Variants in NRG3 observed in about 807,000 individuals in gnomAD.
NRG3 encodes the protein neuregulin 3.
In NRG3, 31 loss-of-function variants were observed where a neutral mutation model predicts 66.9. The observed-to-expected ratio is 0.46, with a 90% CI of 0.35 to 0.63. NRG3 has a LOEUF of 0.63. Ranked by LOEUF, NRG3 falls within the 20% of genes least tolerant of loss-of-function variation. NRG3 has a pLI of 0.00. For missense variants in NRG3, 910 were observed against 878.9 expected (o/e 1.04, Z -0.45); for synonymous variants, 393 against 359.4 (o/e 1.09, Z -1.06).
intron 1 of NRG3, among the ~76,000 whole-genome samples, chr10:81,949,848 A>G (rs1312125322): frequency 6.6e-6 from 1 of 152,178 alleles, no homozygotes; most frequent in East Asian, 1.9e-4. Flanking sequence ...ACTTGAAAGC[A>G]TTACTGCAGA....
At chr10:82,191,010 C>T (rs191409854) in intron 1 of NRG3, among the ~76,000 whole-genome samples, 44 of 152,164 alleles carry the variant, frequency 2.9e-4, no homozygotes, top group East Asian at 2.1e-3. Context: ...ATCTCCCTGA[C>T]GTGGCACTAT....
chr10:82,084,891 A>G (rs2065629192), intron 1 of NRG3, among the ~76,000 whole-genome samples: 2 of 152,102 alleles, frequency 1.3e-5, no homozygotes, highest in East Asian at 3.9e-4. Context: ...TACACAATCA[A>G]TGATGTTACC....
At chr10:82,167,888 A>G (rs1488460641) in intron 1 of NRG3, among the ~76,000 whole-genome samples, 1 of 151,956 alleles carries the variant, frequency 6.6e-6, no homozygotes, top group Non-Finnish European at 1.5e-5. Flanking sequence ...TATTAATTGT[A>G]TTAATGGGAT....
intron 2 of NRG3, among the ~76,000 whole-genome samples, chr10:82,542,512 T>A (rs2043613517): frequency 6.6e-6 from 1 of 152,226 alleles, no homozygotes; most frequent in African/African-American, 2.4e-5. Flanking sequence ...TTACATCATT[T>A]CAAGGTAATA....
chr10:82,963,217 C>T (rs1315521254), intron 6 of NRG3, among the ~76,000 whole-genome samples: 1 of 152,092 alleles, frequency 6.6e-6, no homozygotes, highest in Non-Finnish European at 1.5e-5. Context: ...ACAAAGGAAA[C>T]AAAAAACCTA....
intron 1 of NRG3, among the ~76,000 whole-genome samples, chr10:82,174,703 A>G (rs972676687): frequency 1.3e-5 from 2 of 151,838 alleles, no homozygotes; most frequent in African/African-American, 2.4e-5. Context: ...CAGGATCTCC[A>G]CTTTCTTCTT....
intron 1 of NRG3, among the ~76,000 whole-genome samples, chr10:82,246,189 TG>T (rs2077235825): frequency 6.6e-6 from 1 of 152,030 alleles, no homozygotes; most frequent in Non-Finnish European, 1.5e-5. Context: ...GCAGTTTCTG[TG>T]TTAGCTGGTT....
chr10:82,878,217 T>C (rs1193566689), intron 4 of NRG3, among the ~76,000 whole-genome samples: 1 of 152,186 alleles, frequency 6.6e-6, no homozygotes, highest in Non-Finnish European at 1.5e-5. Flanking sequence ...GTCCCAGAAC[T>C]GGACAAACTT....
intron 1 of NRG3, among the ~76,000 whole-genome samples, chr10:82,036,512 A>G (rs2062798288): frequency 1.3e-5 from 2 of 152,250 alleles, no homozygotes; most frequent in South Asian, 4.1e-4. Flanking sequence ...AGCCCTTATG[A>G]TTCAAAGCTT....
chr10:81,956,825 C>A lies in NRG3; in HGVS notation c.823+80662C>A, dbSNP rs142872849. On this transcript the variant is annotated intron_variant, in intron 1 of 8. Coordinates refer to ENST00000372141, the MANE Select transcript of NRG3 (RefSeq NM_001010848.4). ...AACATACTACCAAACTCCTCACTAT[C>A]CCCTATTAGGCCCTGTGCTACCTGG... Among the ~76,000 whole-genome samples the A allele has an allele frequency of 2.0e-3, 303 of 152,272 alleles. 1 individual carries two copies. The highest frequency in any genetic ancestry group is 6.6e-3 in the African/African-American group (273 of 41,552).
intron 2 of NRG3, among the ~76,000 whole-genome samples, chr10:82,677,274 A>G (rs986138413): frequency 6.7e-6 from 1 of 150,208 alleles, no homozygotes; most frequent in African/African-American, 2.5e-5. Flanking sequence ...GCTGGTCTCA[A>G]CTCCTGGGAT....
chr10:82,435,951 T>C (rs2090114462), intron 2 of NRG3, among the ~76,000 whole-genome samples: 1 of 152,116 alleles, frequency 6.6e-6, no homozygotes, highest in Admixed American at 6.6e-5. Context: ...AGTGTTTTAC[T>C]TCCAATTATG....
At chr10:81,973,025 TAAGCGTAG>T (rs1241562165) in intron 1 of NRG3, among the ~76,000 whole-genome samples, 2 of 152,284 alleles carry the variant, frequency 1.3e-5, no homozygotes, top group East Asian at 3.9e-4. Flanking sequence ...CCCCAGGTAT[TAAGCGTAG>T]TACCCATTAG....
intron 2 of NRG3, among the ~76,000 whole-genome samples, chr10:82,528,288 G>A (rs1417626240): frequency 6.6e-6 from 1 of 152,130 alleles, no homozygotes; most frequent in African/African-American, 2.4e-5. Flanking sequence ...ATATTGAAGG[G>A]AAGTTACATC....
intron 1 of NRG3, among the ~76,000 whole-genome samples, chr10:82,006,865 T>C (rs948814752): frequency 3.9e-5 from 6 of 152,194 alleles, no homozygotes; most frequent in Admixed American, 3.3e-4. Flanking sequence ...TCAATTAAGC[T>C]AAGTTCTCTA....
intron 6 of NRG3, among the ~76,000 whole-genome samples, chr10:82,972,210 G>A (rs915861819): frequency 1.3e-5 from 2 of 151,880 alleles, no homozygotes; most frequent in African/African-American, 2.4e-5. Context: ...ATATTCTAGT[G>A]CTGTCTAATT....
At chr10:82,529,255 G>T (rs1847025458) in intron 2 of NRG3, among the ~76,000 whole-genome samples, 1 of 152,178 alleles carries the variant, frequency 6.6e-6, no homozygotes, top group African/African-American at 2.4e-5. Context: ...TAGAGGCATC[G>T]GGCTTGTTGC....
At position 82,842,680 on chromosome 10, in the gene NRG3, C is replaced by T. The variant is rs182368522; in HGVS notation, c.1028-22731C>T. On this transcript the variant is annotated intron_variant, in intron 3 of 8. Coordinates refer to ENST00000372141, the MANE Select transcript of NRG3 (RefSeq NM_001010848.4). ...GGACATGTTCCAAGGCCACAGAGAA[C>T]GCCTGAAACCATGGATATTACTGAA... 2.2e-3 allele frequency among the ~76,000 whole-genome samples: 342 copies of T among 152,206 alleles called. 1 individual carries two copies. Among genetic ancestry groups the T allele is most frequent in the African/African-American group, 6.5e-3 (271 of 41,532 alleles).
intron 3 of NRG3, among the ~76,000 whole-genome samples, chr10:82,832,087 C>T (rs1013839641): frequency 3.9e-5 from 6 of 152,090 alleles, no homozygotes; most frequent in Admixed American, 1.3e-4. Flanking sequence ...TAGTGGGAGC[C>T]GTTGCTGGAG....
Sources: allele counts gnomAD v4.1 joint callset (sites outside exome capture counted in the v4.1 genomes callset), GRCh38; gene constraint gnomAD v4.1.1; transcripts MANE v1.5; gene names NCBI Gene and HGNC (gene_info 2026-07-23, HGNC 2026-07-21).